The following BLK variants were observed in gnomAD, a reference collection of about 807,000 sequenced individuals.
The protein encoded by BLK is tyrosine-protein kinase Blk.
BLK carries 64 observed loss-of-function variants against 61.8 expected under a neutral mutation model. That is an observed-to-expected ratio of 1.03 (90% CI 0.85 to 1.27). The LOEUF is 1.27. Ranked by LOEUF, BLK falls within the 50% of genes most tolerant of loss-of-function variation. The pLI, the probability that BLK is intolerant of heterozygous loss-of-function variation, is 0.00. For synonymous variants in BLK, 351 were observed against 272.0 expected (o/e 1.29, Z -2.86); for missense variants, 853 against 660.5 (o/e 1.29, Z -3.19).
intron 1 of BLK, among the ~76,000 whole-genome samples, chr8:11,524,333 G>T (rs1011973096): frequency 1.1e-4 from 17 of 152,138 alleles, no homozygotes; most frequent in African/African-American, 3.9e-4. Context: ...ATTTTCCATT[G>T]GTGGTAGGGT....
chr8:11,543,508 C>A (rs1800485170), intron 2 of BLK, among the ~76,000 whole-genome samples, 161 bp downstream of exon 2: 1 of 152,150 alleles, frequency 6.6e-6, no homozygotes, highest in Non-Finnish European at 1.5e-5. Context: ...ACGCACAGGA[C>A]CCGGCCTGGT....
chr8:11,518,201 C>G (rs1419862474), intron 1 of BLK, among the ~76,000 whole-genome samples: 4 of 152,184 alleles, frequency 2.6e-5, no homozygotes, highest in Admixed American at 2.0e-4. Flanking sequence ...GCTTGGCGGT[C>G]TTTCCCCACA....
chr8:11,553,101 G>A (rs545571010), intron 6 of BLK: 13 of 185,078 alleles, frequency 7.0e-5, no homozygotes, highest in East Asian at 2.9e-4. Context: ...CACCTTACAC[G>A]TACATATGCA....
At chr8:11,535,494 ACTACCCAACC>A (rs1308774866) in intron 1 of BLK, among the ~76,000 whole-genome samples, 1 of 152,224 alleles carries the variant, frequency 6.6e-6, no homozygotes, top group African/African-American at 2.4e-5. Context: ...TTTCTGAAAT[ACTACCCAACC>A]CTGTTGGGAG....
intron 1 of BLK, among the ~76,000 whole-genome samples, chr8:11,510,227 T>A (rs1798942900): frequency 6.6e-6 from 1 of 152,140 alleles, no homozygotes; most frequent in Non-Finnish European, 1.5e-5. Flanking sequence ...TGGCGTGGGG[T>A]AAGCTTTAAA....
chr8:11,543,468 T>C lies in BLK; in HGVS notation c.123+121T>C, dbSNP rs562446496. The C allele has an allele frequency of 8.0e-5, 110 of 1,371,658 alleles. No individual in the cohort carries two copies. The African/African-American group carries it at 1.5e-3, about 18-fold the overall frequency. The allele number at this position is 1,371,658 out of a possible 1,614,324, so 85.0% of individuals were successfully genotyped here. A position where few individuals can be genotyped will look rare whatever the true frequency, so the allele number is the denominator to read the frequency against. ...CTGATAGGGATGTAACGATCTGCAA[T>C]GTATAAGCAGGTGTGCCATGCAATA... On this transcript the variant is annotated intron_variant, in intron 2 of 12. Transcript: ENST00000259089.
chr8:11,511,682 G>C (rs2117289067), intron 1 of BLK, among the ~76,000 whole-genome samples: 1 of 152,202 alleles, frequency 6.6e-6, no homozygotes, highest in Non-Finnish European at 1.5e-5. Context: ...GTCTTTAAAG[G>C]GGATGGACTT....
intron 10 of BLK, chr8:11,559,654 C>A: frequency 2.3e-6 from 1 of 429,180 alleles, no homozygotes; most frequent in Non-Finnish European, 4.7e-6. Flanking sequence ...CAGATCTGGC[C>A]AACCCCACAG....
In BLK at chr8:11,555,347, T is replaced by C; in HGVS notation, c.635T>C (p.Leu212Pro). 1 of 1,614,112 alleles carries C rather than the reference T, an allele frequency of 6.2e-7. No individual in the cohort carries two copies. The highest frequency in any genetic ancestry group is 8.5e-7 in the Non-Finnish European group (1 of 1,180,020). Residue 212 changes from leucine (L) to proline (P), a missense_variant, in exon 8 of 13, where the codon CTA becomes CCA. By Grantham distance (98) the Leu-to-Pro change is moderately conservative. Coordinates refer to ENST00000259089, the MANE Select transcript of BLK (RefSeq NM_001715.3). ...VQHYSKKGDG[L>P]CQRLTLPCVR... ...CCTAATGCAGAGAAGGGGGATGGTC[T>C]ATGCCAGAGGCTGACCCTGCCCTGT...
chr8:11,561,434 G>A lies in BLK; in HGVS notation c.1162G>A (p.Glu388Lys), dbSNP rs776080933. The A allele has an allele frequency of 1.9e-6, 3 of 1,613,948 alleles. No individual in the cohort carries two copies. Among genetic ancestry groups the A allele is most frequent in the South Asian group, 1.1e-5 (1 of 91,010 alleles). Reference protein sequence around the residue: ...DFGLARIIDSEYTAQEGAKFP... With the variant: ...DFGLARIIDSKYTAQEGAKFP... ...TGGCTTGGCTCGAATCATCGACAGTGAATACACGGCCCAAGAGGGTAAGCA... is the reference window on the plus strand; with the variant it reads ...TGGCTTGGCTCGAATCATCGACAGTAAATACACGGCCCAAGAGGGTAAGCA... The change falls in exon 11 of 13, where the codon GAA becomes AAA. Residue 388 changes from glutamate (E) to lysine (K), a missense_variant. Transcript: ENST00000259089.
At chr8:11,555,276 G>A (rs1380224512) in intron 7 of BLK, 56 bp from the exon 8 acceptor site, 1 of 1,610,982 alleles carries the variant, frequency 6.2e-7, no homozygotes, top group Non-Finnish European at 8.5e-7. Flanking sequence ...CAGCTCCCAA[G>A]GTAGAGCCTG....
chr8:11,532,975 T>A (rs578177664), intron 1 of BLK, among the ~76,000 whole-genome samples: 1 of 152,238 alleles, frequency 6.6e-6, no homozygotes, highest in Non-Finnish European at 1.5e-5. Context: ...AGTTTCTTCA[T>A]CTGTAAAATG....
rs1205451707 is a variant in BLK at position 11,555,383 on chromosome 8, C to A, written c.671C>A (p.Ala224Asp). Reference sequence around the variant, plus strand: ...CTGACCCTGCCCTGTGTGCGCCCGGCCCCGCAGAATCCCTGGGCCCAGGAT... The same window carrying A: ...CTGACCCTGCCCTGTGTGCGCCCGGACCCGCAGAATCCCTGGGCCCAGGAT... ...QRLTLPCVRPAPQNPWAQDEW... is the reference protein window; with the variant it reads ...QRLTLPCVRPDPQNPWAQDEW... Residue 224 changes from alanine (A) to aspartate (D), a missense_variant, in exon 8 of 13, where the codon GCC (alanine) becomes GAC (aspartate). By Grantham distance (126) the Ala-to-Asp change is moderately radical. Coordinates refer to ENST00000259089, the MANE Select transcript of BLK (RefSeq NM_001715.3). 4 of 1,614,134 alleles carry A rather than the reference C, an allele frequency of 2.5e-6. No individual in the cohort carries two copies. The highest frequency in any genetic ancestry group is 2.2e-5 in the East Asian group (1 of 44,876).
intron 11 of BLK, among the ~76,000 whole-genome samples, chr8:11,561,693 C>G (rs931899518): frequency 6.6e-6 from 1 of 152,192 alleles, no homozygotes; most frequent in African/African-American, 2.4e-5. Flanking sequence ...AAACAGCAGT[C>G]CACCCTACTC....
chr8:11,541,718 G>A lies in BLK; in HGVS notation c.-1-1506G>A, dbSNP rs547420074. Among the ~76,000 whole-genome samples, 4 of 152,168 alleles carry A rather than the reference G, an allele frequency of 2.6e-5. No homozygotes were observed. In the East Asian group the frequency reaches 5.8e-4, roughly 22 times the overall value. On this transcript the variant is annotated intron_variant, in intron 1 of 12. Transcript: ENST00000259089. ...TCACTGTGTTAGCCAGGCTGGTCTCGAACTCCTGACCTCAAGGGATCTGCC... is the reference window on the plus strand; with the variant it reads ...TCACTGTGTTAGCCAGGCTGGTCTCAAACTCCTGACCTCAAGGGATCTGCC...
At chr8:11,515,677 T>C (rs750342446) in intron 1 of BLK, among the ~76,000 whole-genome samples, 31 of 152,312 alleles carry the variant, frequency 2.0e-4, no homozygotes, top group Admixed American at 4.6e-4. Flanking sequence ...TTTTGTCTTT[T>C]CTAATATTGT....
chr8:11,538,312 C>A (rs907484878), intron 1 of BLK, among the ~76,000 whole-genome samples: 1 of 152,184 alleles, frequency 6.6e-6, no homozygotes, highest in Non-Finnish European at 1.5e-5. Flanking sequence ...CCTGGCTTCA[C>A]CCAACCTGAA....
At chr8:11,518,563 C>T (rs985763760) in intron 1 of BLK, among the ~76,000 whole-genome samples, 1 of 152,064 alleles carries the variant, frequency 6.6e-6, no homozygotes, top group African/African-American at 2.4e-5. Context: ...ACTAACAATG[C>T]CCTAGCTCTG....
rs758750492 is a variant in BLK at position 11,561,320 on chromosome 8, T to C, written c.1048T>C (p.Tyr350His). Reference sequence around the variant, plus strand: ...CCCTCAGATTGCTGAAGGGATGGCATACATTGAGCGCATGAATTCCATCCA... The same window carrying C: ...CCCTCAGATTGCTGAAGGGATGGCACACATTGAGCGCATGAATTCCATCCA... ...MSAQIAEGMAYIERMNSIHRD... is the reference protein window; with the variant it reads ...MSAQIAEGMAHIERMNSIHRD... Residue 350 changes from tyrosine to histidine, a missense_variant, in exon 11 of 13, where the codon TAC (tyrosine) becomes CAC (histidine). Tyr to His is a moderately conservative substitution (Grantham distance 83). Coordinates refer to ENST00000259089, the MANE Select transcript of BLK (RefSeq NM_001715.3). The C allele has an allele frequency of 6.2e-7, 1 of 1,613,860 alleles. No individual in the cohort carries two copies. The highest frequency in any genetic ancestry group is 8.5e-7 in the Non-Finnish European group (1 of 1,179,896).
Sources: gnomAD v4.1 joint callset for allele counts (sites outside exome capture counted in the v4.1 genomes callset) on GRCh38, gnomAD v4.1.1 for gene constraint, MANE v1.5 for transcripts, NCBI Gene and HGNC (gene_info 2026-07-23, HGNC 2026-07-21) for gene names.